The following ADK variants were observed in gnomAD, a reference collection of about 807,000 sequenced individuals.
ADK encodes the protein adenosine kinase.
A neutral mutation model predicts 44.7 loss-of-function variants in ADK; 24 were observed. The observed-to-expected ratio is 0.54, with a 90% confidence interval of 0.39 to 0.76. The LOEUF is 0.76. Ranked by LOEUF, ADK falls within the 30% of genes least tolerant of loss-of-function variation. The pLI is 0.00. For missense variants in ADK, 321 were observed against 425.1 expected, an observed-to-expected ratio of 0.76 and a Z score of 2.15; for synonymous variants, 128 against 142.6, an observed-to-expected ratio of 0.90 and a Z score of 0.73.
intron 8 of ADK, among the ~76,000 whole-genome samples, chr10:74,592,372 T>A (rs1851754645): frequency 6.6e-6 from 1 of 152,126 alleles, no homozygotes; most frequent in African/African-American, 2.4e-5. Context: ...AAAAATAAGG[T>A]GCTCAAAAGC....
chr10:74,485,025 CT>C, intron 6 of ADK, among the ~76,000 whole-genome samples: 1 of 151,606 alleles, frequency 6.6e-6, no homozygotes, highest in Admixed American at 6.6e-5. Context: ...AAGGCAAAGA[CT>C]AATAAGTTGT....
At chr10:74,431,682 A>G (rs1315759382) in intron 6 of ADK, among the ~76,000 whole-genome samples, 3 of 152,140 alleles carry the variant, frequency 2.0e-5, no homozygotes, top group African/African-American at 4.8e-5. Flanking sequence ...CGGAGGTTGC[A>G]GTGAGCCTAG....
At chr10:74,243,327 A>T (rs9651336) in intron 3 of ADK, among the ~76,000 whole-genome samples, 7,525 of 152,256 alleles carry the variant, frequency 0.049, 650 homozygotes, top group African/African-American at 0.17. Context: ...CTGTGGCGTG[A>T]GTAAACTGTC....
intron 1 of ADK, among the ~76,000 whole-genome samples, chr10:74,168,244 T>C (rs1842080339): frequency 6.6e-6 from 1 of 152,140 alleles, no homozygotes; most frequent in South Asian, 2.1e-4. Flanking sequence ...GAATGAACAA[T>C]TTAAAAGATT....
chr10:74,703,314 T>G (rs1856498182), intron 10 of ADK, among the ~76,000 whole-genome samples: 1 of 151,964 alleles, frequency 6.6e-6, no homozygotes, highest in South Asian at 2.1e-4. Flanking sequence ...AAACCCCATC[T>G]ACTAAAAGTA....
intron 9 of ADK, among the ~76,000 whole-genome samples, chr10:74,609,233 C>T (rs1852453124): frequency 6.6e-6 from 1 of 152,148 alleles, no homozygotes; most frequent in Non-Finnish European, 1.5e-5. Context: ...ATCCCCCTTT[C>T]CAGGGGAGTG....
chr10:74,385,607 T>C (rs1843114874), intron 4 of ADK, among the ~76,000 whole-genome samples: 1 of 152,206 alleles, frequency 6.6e-6, no homozygotes, highest in Non-Finnish European at 1.5e-5. Context: ...ATGAATTGAA[T>C]GAATATACAC....
In ADK at chr10:74,398,464, G is replaced by C. The variant is rs759122074; in HGVS notation, c.447-7G>C. 1.9e-6 allele frequency: 3 copies of C among 1,586,052 alleles called. No homozygotes were observed. Among genetic ancestry groups the C allele is most frequent in the Admixed American group, 1.7e-5 (1 of 59,892 alleles). ...AATATTACTTGCTTATTCTTTGGTT[G>C]TTTTAGGTCCCTCATAGCTAATCTT... On this transcript the variant is annotated splice_polypyrimidine_tract_variant and splice_region_variant and intron_variant, in intron 5 of 10. Coordinates refer to ENST00000539909, the MANE Select transcript of ADK (RefSeq NM_006721.4).
intron 9 of ADK, among the ~76,000 whole-genome samples, chr10:74,630,325 C>CT (rs774789253): frequency 0.029 from 4,128 of 142,272 alleles, 135 homozygotes; most frequent in Admixed American, 0.11. Context: ...AATTATCCCA[C>CT]TTTTTTTTTT....
intron 4 of ADK, among the ~76,000 whole-genome samples, chr10:74,349,581 A>G (rs184802166): frequency 2.0e-5 from 3 of 152,256 alleles, no homozygotes; most frequent in Non-Finnish European, 4.4e-5. Context: ...CCTTAGCTGT[A>G]CATGGCCTAA....
intron 3 of ADK, among the ~76,000 whole-genome samples, chr10:74,312,913 C>CAAAAAAA (rs1469398498): frequency 2.7e-3 from 2 of 746 alleles, no homozygotes; most frequent in Non-Finnish European, 6.9e-3. Context: ...GATTCTGTCT[C>CAAAAAAA]CAAAAAAAAA....
chr10:74,643,373 C>T (rs10762635), intron 9 of ADK, among the ~76,000 whole-genome samples: 27,411 of 152,160 alleles, frequency 0.18, 2,741 homozygotes, highest in African/African-American at 0.25. Context: ...TAGAATGCAT[C>T]TTATCTGTCT....
chr10:74,413,954 T>C, intron 6 of ADK, among the ~76,000 whole-genome samples: 1 of 152,138 alleles, frequency 6.6e-6, no homozygotes, highest in East Asian at 1.9e-4. Context: ...GGTAGAGAGA[T>C]GGGGTAATGG....
chr10:74,426,782 A>T lies in ADK; in HGVS notation c.555+28203A>T, dbSNP rs1210146866. ...GTAAACAAACAAGTGAACTTAATTCATTTTTTTTTCTTATTTTTTTATTAT... is the reference window on the plus strand; with the variant it reads ...GTAAACAAACAAGTGAACTTAATTCTTTTTTTTTTCTTATTTTTTTATTAT... On this transcript the variant is annotated intron_variant, in intron 6 of 10. Coordinates refer to ENST00000539909, the MANE Select transcript of ADK (RefSeq NM_006721.4). Among the ~76,000 whole-genome samples, 4 of 151,354 alleles carry T rather than the reference A, an allele frequency of 2.6e-5. No homozygotes were observed. The East Asian group carries it at 7.8e-4, about 29-fold the overall frequency.
intron 4 of ADK, among the ~76,000 whole-genome samples, chr10:74,374,522 C>T (rs1842761451): frequency 6.6e-6 from 1 of 152,110 alleles, no homozygotes; most frequent in Admixed American, 6.6e-5. Flanking sequence ...ATGAGTTTTA[C>T]ACGATCATAA....
rs184558877 is a variant in ADK, at chr10:74,463,472, T to C, written c.556-61784T>C. ...CTCACATGCACAATTCACAATAGGGTTCGCACTCTAATGAGAATCTAATGC... is the reference window on the plus strand; with the variant it reads ...CTCACATGCACAATTCACAATAGGGCTCGCACTCTAATGAGAATCTAATGC... On this transcript the variant is annotated intron_variant, in intron 6 of 10. Transcript: ENST00000539909. Among the ~76,000 whole-genome samples, 921 of 152,142 alleles carry C rather than the reference T, an allele frequency of 6.1e-3. 2 individuals carry two copies. Among genetic ancestry groups the C allele is most frequent in the Non-Finnish European group, 0.01 (704 of 67,980 alleles).
At chr10:74,650,097 T>C (rs1251744453) in intron 9 of ADK, among the ~76,000 whole-genome samples, 1 of 152,152 alleles carries the variant, frequency 6.6e-6, no homozygotes, top group African/African-American at 2.4e-5. Context: ...TCCTTCCTTA[T>C]CAGAGGCCAC....
intron 6 of ADK, among the ~76,000 whole-genome samples, chr10:74,435,704 C>G (rs1845158388): frequency 1.3e-5 from 2 of 151,836 alleles, no homozygotes; most frequent in Admixed American, 1.3e-4. Context: ...CAGGGGAACA[C>G]AAAATTAACA....
chr10:74,496,677 C>A (rs1415163225), intron 6 of ADK, among the ~76,000 whole-genome samples: 1 of 152,142 alleles, frequency 6.6e-6, no homozygotes, highest in African/African-American at 2.4e-5. Context: ...CTGTGTTGCC[C>A]AGGCTGGTCT....
Sources: allele counts gnomAD v4.1 joint callset (sites outside exome capture counted in the v4.1 genomes callset), GRCh38; gene constraint gnomAD v4.1.1; transcripts MANE v1.5; gene names NCBI Gene and HGNC (gene_info 2026-07-23, HGNC 2026-07-21).